Variants in CARF observed in about 807,000 individuals in gnomAD.
CARF encodes the protein calcium responsive transcription factor.
A neutral mutation model predicts 82.0 loss-of-function variants in CARF; 57 were observed. The observed-to-expected ratio is 0.70, with a 90% CI of 0.56 to 0.87. The LOEUF (loss-of-function observed/expected upper bound fraction) is 0.87, where lower values mean the gene tolerates loss of function less well. Among genes scored for constraint, CARF ranks in the 40% least tolerant of loss-of-function variants. CARF has a pLI of 0.00. For synonymous variants in CARF, 268 were observed against 290.1 expected, an observed-to-expected ratio of 0.92 and a Z score of 0.77; for missense variants, 771 against 855.8, an observed-to-expected ratio of 0.90 and a Z score of 1.24.
intron 8 of CARF, among the ~76,000 whole-genome samples, chr2:202,960,855 A>G (rs1202582923): frequency 6.6e-6 from 1 of 151,734 alleles, no homozygotes; most frequent in East Asian, 1.9e-4. Flanking sequence ...AATCAGTTTC[A>G]GTAAAGGAGG....
intron 3 of CARF, among the ~76,000 whole-genome samples, chr2:202,940,682 A>G (rs1259631523): frequency 1.3e-5 from 2 of 152,070 alleles, no homozygotes; most frequent in Admixed American, 1.3e-4. Flanking sequence ...TGGGAATTTT[A>G]AGTTTTCCTC....
chr2:202,912,873 C>T lies in CARF; in HGVS notation c.-559C>T, dbSNP rs1688888385. On this transcript the variant is annotated 5_prime_UTR_variant, in exon 1 of 17. Coordinates refer to ENST00000438828, the MANE Select transcript of CARF (RefSeq NM_024744.17). ...CTTACGTTTAGAAGGGGAAAATCAT[C>T]CTCCCACACCTTCTCCCCGACTTTT... The T allele has an allele frequency of 6.6e-6, 1 of 152,150 alleles. No homozygotes were observed. The highest frequency in any genetic ancestry group is 2.4e-5 in the African/African-American group (1 of 41,442). 9.4% of individuals were successfully genotyped at this position (152,150 alleles called of 1,614,324 possible).
chr2:202,958,245 A>ATGTGTGTGTG (rs1325936946), intron 8 of CARF, among the ~76,000 whole-genome samples: 1 of 26,266 alleles, frequency 3.8e-5, no homozygotes, highest in African/African-American at 1.2e-4. Context: ...ATGTATATAC[A>ATGTGTGTGTG]TATATGTGTG....
At chr2:202,982,569 T>C in intron 16 of CARF, 128 bp downstream of exon 16, 1 of 969,692 alleles carries the variant, frequency 1.0e-6, no homozygotes, top group Non-Finnish European at 1.5e-6. Context: ...GAAGCAAAAT[T>C]ATGAGAGAGA....
At chr2:202,923,465 G>T (rs1300808531) in intron 2 of CARF, among the ~76,000 whole-genome samples, 1 of 152,130 alleles carries the variant, frequency 6.6e-6, no homozygotes, top group African/African-American at 2.4e-5. Context: ...AAACACTGCT[G>T]AAACATAGAC....
intron 13 of CARF, among the ~76,000 whole-genome samples, chr2:202,976,979 G>A (rs1335299811): frequency 6.6e-6 from 1 of 152,130 alleles, no homozygotes. Flanking sequence ...CAAGCCTTAC[G>A]GGCATGACCC....
intron 12 of CARF, chr2:202,973,340 G>A (rs1365307861): frequency 2.9e-6 from 1 of 350,452 alleles, no homozygotes; most frequent in Non-Finnish European, 5.4e-6. Context: ...GTATAATACA[G>A]TTCTGCGATT....
In CARF at chr2:202,961,424, C is replaced by A. The variant is rs778677163; in HGVS notation, c.830C>A (p.Ala277Glu). The change falls in exon 9 of 17, where the codon GCA becomes GAA. Residue 277 changes from alanine to glutamate, a missense_variant and splice_region_variant. Coordinates refer to ENST00000438828, the MANE Select transcript of CARF (RefSeq NM_024744.17). ...VPYDGIPFVN[A>E]GSRAVVMECQ... is the part of the protein sequence containing the mutation. The stretch of plus-strand genomic sequence containing the variant: ...TATGATGGAATCCCATTTGTTAATG[C>A]AGGTACTTTTTTAAAGAATTATTTT... The A allele has an allele frequency of 2.8e-5, 45 of 1,612,808 alleles. No homozygotes were observed. The highest frequency in any genetic ancestry group is 3.7e-5 in the Non-Finnish European group (44 of 1,178,968).
intron 3 of CARF, among the ~76,000 whole-genome samples, chr2:202,931,199 C>T (rs752918326): frequency 1.3e-5 from 2 of 151,880 alleles, no homozygotes; most frequent in African/African-American, 2.4e-5. Flanking sequence ...CTCGAACTCT[C>T]GACCTTAGGT....
rs1342300250 is a variant in CARF, at chr2:202,972,751, G to T, written c.1331+1013G>T. Among the ~76,000 whole-genome samples the T allele has an allele frequency of 2.0e-5, 3 of 149,650 alleles. No individual in the cohort carries two copies. In the South Asian group the frequency reaches 6.3e-4, roughly 31 times the overall value. On this transcript the variant is annotated intron_variant, in intron 12 of 16. Coordinates refer to ENST00000438828, the MANE Select transcript of CARF (RefSeq NM_024744.17). ...CGCTATATAGCCTGTGCCTATTACC[G>T]TGATTTATGATACTTAGCCTTGCTC...
In CARF at chr2:202,961,434, T is replaced by C; in HGVS notation, c.832+8T>C. ...TCCCATTTGTTAATGCAGGTACTTT[T>C]TTAAAGAATTATTTTAAAAGGTTCA... is the stretch of plus-strand genomic sequence containing the variant. On this transcript the variant is annotated splice_region_variant and intron_variant, in intron 9 of 16. Coordinates refer to ENST00000438828, the MANE Select transcript of CARF (RefSeq NM_024744.17). 1 of 1,611,896 alleles carries C rather than the reference T, an allele frequency of 6.2e-7. No homozygotes were observed. Among genetic ancestry groups the C allele is most frequent in the Non-Finnish European group, 8.5e-7 (1 of 1,178,036 alleles).
intron 3 of CARF, among the ~76,000 whole-genome samples, chr2:202,932,156 C>T (rs1354678278): frequency 1.3e-5 from 2 of 152,106 alleles, no homozygotes; most frequent in African/African-American, 4.8e-5. Flanking sequence ...GAGCTCTGGG[C>T]AGATGACGTT....
rs570382992 is a variant in CARF, at chr2:202,987,586, A to C, written c.*3962A>C. The stretch of plus-strand genomic sequence containing the variant: ...TTTTGCCACATACATGTTATGTATA[A>C]ATTTTACTGTTGAATAATACAAGTA... On this transcript the variant is annotated 3_prime_UTR_variant, in exon 17 of 17. Transcript: ENST00000438828. Among the ~76,000 whole-genome samples the C allele has an allele frequency of 6.6e-6, 1 of 152,314 alleles. No individual in the cohort carries two copies. The highest frequency in any genetic ancestry group is 6.5e-5 in the Admixed American group (1 of 15,290).
intron 3 of CARF, among the ~76,000 whole-genome samples, chr2:202,936,242 A>T (rs938106516): frequency 2.6e-5 from 4 of 152,290 alleles, no homozygotes; most frequent in African/African-American, 7.2e-5. Flanking sequence ...ATGCATATAT[A>T]TGTACACACA....
At chr2:202,913,284 CTT>C (rs1186932445) in intron 1 of CARF, among the ~76,000 whole-genome samples, 182 bp downstream of exon 1, 7 of 152,154 alleles carry the variant, frequency 4.6e-5, no homozygotes, top group South Asian at 4.1e-4. Context: ...AAGTAGGACT[CTT>C]TTCAGTTTAC....
intron 3 of CARF, among the ~76,000 whole-genome samples, chr2:202,933,771 G>C (rs947441395): frequency 6.6e-6 from 1 of 152,140 alleles, no homozygotes; most frequent in African/African-American, 2.4e-5. Flanking sequence ...CGTGACTACA[G>C]TATATTGCTA....
rs2059311463 is a variant in CARF, at chr2:202,961,320, G to C, written c.726G>C (p.Gln242His). Residue 242 changes from glutamine to histidine, a missense_variant, in exon 9 of 17, where the codon CAG (glutamine) becomes CAC (histidine). Gln to His is a conservative substitution (Grantham distance 24). Coordinates refer to ENST00000438828, the MANE Select transcript of CARF (RefSeq NM_024744.17). ...TAACATTTCACAAGCAGCAAACACA[G>C]AGTGTTTGGGGGACCCGTCAGTCTC... is the stretch of plus-strand genomic sequence containing the variant. ...SVLTFHKQQT[Q>H]SVWGTRQSPS... 1 of 1,613,774 alleles carries C rather than the reference G, an allele frequency of 6.2e-7. No homozygotes were observed. Among genetic ancestry groups the C allele is most frequent in the Non-Finnish European group, 8.5e-7 (1 of 1,179,752 alleles).
chr2:202,971,527 C>G lies in CARF; in HGVS notation c.1120C>G (p.Gln374Glu). ...VLRWYVQLPT[Q>E]QAHQYHELET... The stretch of plus-strand genomic sequence containing the variant: ...CAGGTGGTATGTACAGTTACCTACA[C>G]AGCAAGCTCATCAGTATCATGAATT... Residue 374 changes from glutamine to glutamate, a missense_variant, in exon 12 of 17, where the codon CAG becomes GAG. Transcript: ENST00000438828. 6.2e-7 allele frequency: 1 copy of G among 1,612,500 alleles called. No homozygotes were observed. The highest frequency in any genetic ancestry group is 8.5e-7 in the Non-Finnish European group (1 of 1,178,930).
At chr2:202,954,727 A>G (rs549901474) in intron 7 of CARF, among the ~76,000 whole-genome samples, 1 of 142,154 alleles carries the variant, frequency 7.0e-6, no homozygotes, top group African/African-American at 2.6e-5. Flanking sequence ...AAAAAAAAAA[A>G]GACTGGGCAC....
Sources: gnomAD v4.1 joint callset for allele counts (sites outside exome capture counted in the v4.1 genomes callset) on GRCh38, gnomAD v4.1.1 for gene constraint, MANE v1.5 for transcripts, NCBI Gene and HGNC (gene_info 2026-07-23, HGNC 2026-07-21) for gene names.